The following NAALADL2 variants were observed in gnomAD, a reference collection of about 807,000 sequenced individuals.
NAALADL2 encodes the protein inactive N-acetylated-alpha-linked acidic dipeptidase-like protein 2.
Under a neutral mutation model 87.2 loss-of-function variants are expected in NAALADL2, and 76 were observed. The observed-to-expected ratio is 0.87, with a 90% CI of 0.72 to 1.05. NAALADL2 has a LOEUF of 1.05. Ranked by LOEUF, NAALADL2 falls within the 50% of genes least tolerant of loss-of-function variation. The pLI is 0.00. For missense variants in NAALADL2, 1,089 were observed against 945.8 expected, an observed-to-expected ratio of 1.15 and a Z score of -1.99; for synonymous variants, 354 against 331.0, an observed-to-expected ratio of 1.07 and a Z score of -0.75.
chr3:174,788,960 A>G (rs1337816348), intron 3 of NAALADL2, among the ~76,000 whole-genome samples: 1 of 152,164 alleles, frequency 6.6e-6, no homozygotes, highest in African/African-American at 2.4e-5. Context: ...CACTTTAGGG[A>G]AGAGTTTGAG....
intron 1 of NAALADL2, among the ~76,000 whole-genome samples, chr3:174,860,161 A>G (rs1726308347): frequency 6.6e-6 from 1 of 152,130 alleles, no homozygotes; most frequent in Non-Finnish European, 1.5e-5. Flanking sequence ...ATTGGGCCTA[A>G]TCAATATTTG....
Position 175,274,361 on chromosome 3 carries a change from C to A in NAALADL2, c.939+17831C>A, listed in dbSNP as rs146978384. On this transcript the variant is annotated intron_variant, in intron 4 of 13. Transcript: ENST00000454872. ...ATTACAATTCAAGGTGAGATTTGAA[C>A]AAACCATATCACATTACAACAAAAA... Among the ~76,000 whole-genome samples, 162 of 152,236 alleles carry A rather than the reference C, an allele frequency of 1.1e-3. 1 individual carries two copies. The highest frequency in any genetic ancestry group is 3.7e-3 in the African/African-American group (155 of 41,544).
At chr3:174,814,389 G>A (rs1328593779) in intron 3 of NAALADL2, among the ~76,000 whole-genome samples, 4 of 152,168 alleles carry the variant, frequency 2.6e-5, no homozygotes, top group East Asian at 1.9e-4. Flanking sequence ...TTACAGGTGT[G>A]AGCCACTGTG....
intron 4 of NAALADL2, among the ~76,000 whole-genome samples, chr3:175,322,931 G>A (rs919929622): frequency 7.2e-5 from 11 of 151,790 alleles, no homozygotes; most frequent in African/African-American, 2.2e-4. Flanking sequence ...TCAGTGTGGC[G>A]ATTCCTCGGG....
At chr3:174,950,218 G>T (rs576781275) in intron 1 of NAALADL2, among the ~76,000 whole-genome samples, 1 of 151,850 alleles carries the variant, frequency 6.6e-6, no homozygotes, top group Non-Finnish European at 1.5e-5. Flanking sequence ...AGAGTCCTTG[G>T]TTTTACCAAG....
intron 2 of NAALADL2, among the ~76,000 whole-genome samples, chr3:174,659,972 T>C (rs1037841372): frequency 1.3e-5 from 2 of 152,152 alleles, no homozygotes; most frequent in Admixed American, 6.5e-5. Flanking sequence ...ACAGTTCATA[T>C]TCAGTTTTTC....
intron 9 of NAALADL2, among the ~76,000 whole-genome samples, chr3:175,553,713 C>A (rs1201592321): frequency 1.3e-5 from 2 of 150,418 alleles, no homozygotes; most frequent in African/African-American, 2.4e-5. Flanking sequence ...ATTATAGCCA[C>A]CAAATTAGGT....
At chr3:175,165,925 A>G (rs929479859) in intron 2 of NAALADL2, among the ~76,000 whole-genome samples, 1 of 151,264 alleles carries the variant, frequency 6.6e-6, no homozygotes, top group Admixed American at 6.6e-5. Context: ...CTTTCTGTTT[A>G]CTCTCCTCTC....
chr3:174,450,056 C>CT (rs749510447), intron 1 of NAALADL2, among the ~76,000 whole-genome samples: 5 of 151,508 alleles, frequency 3.3e-5, no homozygotes, highest in Non-Finnish European at 5.9e-5. Context: ...CATATAGTTT[C>CT]TTTCATTTGC....
chr3:174,766,668 A>T (rs1417292798), intron 3 of NAALADL2, among the ~76,000 whole-genome samples: 1 of 152,072 alleles, frequency 6.6e-6, no homozygotes, highest in Non-Finnish European at 1.5e-5. Context: ...TCTATTATAG[A>T]ATTGGAATCT....
intron 9 of NAALADL2, among the ~76,000 whole-genome samples, chr3:175,514,837 T>A (rs1264688991): frequency 6.6e-6 from 1 of 152,234 alleles, no homozygotes; most frequent in Non-Finnish European, 1.5e-5. Context: ...ATTAGTTCTG[T>A]GTGTATAGAC....
chr3:175,616,284 A>C (rs1725340893), intron 10 of NAALADL2, among the ~76,000 whole-genome samples: 1 of 140,632 alleles, frequency 7.1e-6, no homozygotes, highest in South Asian at 2.1e-4. Flanking sequence ...TTATAAATAT[A>C]ATAAATATGA....
At chr3:174,696,994 C>T (rs1052593119) in intron 2 of NAALADL2, among the ~76,000 whole-genome samples, 2 of 151,814 alleles carry the variant, frequency 1.3e-5, no homozygotes, top group Non-Finnish European at 2.9e-5. Context: ...TAGACTCATA[C>T]AAAAAGAAAT....
At chr3:174,983,503 A>C (rs1745408763) in intron 1 of NAALADL2, among the ~76,000 whole-genome samples, 1 of 152,190 alleles carries the variant, frequency 6.6e-6, no homozygotes, top group Non-Finnish European at 1.5e-5. Context: ...TATATTTCTC[A>C]TAGTTCTGGA....
intron 10 of NAALADL2, among the ~76,000 whole-genome samples, chr3:175,623,489 G>A (rs1237263156): frequency 6.6e-6 from 1 of 152,006 alleles, no homozygotes; most frequent in Non-Finnish European, 1.5e-5. Context: ...ATCTTAAAGT[G>A]AACTTAGAAC....
At chr3:175,689,741 C>T (rs1342253283) in intron 11 of NAALADL2, among the ~76,000 whole-genome samples, 1 of 152,070 alleles carries the variant, frequency 6.6e-6, no homozygotes, top group Non-Finnish European at 1.5e-5. Context: ...GTCATTCTAA[C>T]ATTCTTATTT....
intron 2 of NAALADL2, among the ~76,000 whole-genome samples, chr3:174,674,163 G>A (rs1726829968): frequency 6.6e-6 from 1 of 151,876 alleles, no homozygotes. Context: ...AAAAGCAGGA[G>A]GAAGAGAGAG....
At chr3:174,564,251 T>G (rs898074829) in intron 2 of NAALADL2, among the ~76,000 whole-genome samples, 1 of 152,172 alleles carries the variant, frequency 6.6e-6, no homozygotes, top group African/African-American at 2.4e-5. Flanking sequence ...GCTTTATCAG[T>G]GCCTGGGAAT....
At chr3:175,313,548 G>A (rs953808062) in intron 4 of NAALADL2, among the ~76,000 whole-genome samples, 6 of 152,206 alleles carry the variant, frequency 3.9e-5, no homozygotes, top group Middle Eastern at 3.4e-3. Flanking sequence ...TAAAAAGATC[G>A]GGATTACATT....
Sources: gnomAD v4.1 joint callset for allele counts (sites outside exome capture counted in the v4.1 genomes callset) on GRCh38, gnomAD v4.1.1 for gene constraint, MANE v1.5 for transcripts, NCBI Gene and HGNC (gene_info 2026-07-23, HGNC 2026-07-21) for gene names.